AGBL1: variants seen among roughly 807,000 people sequenced by gnomAD.
The protein encoded by AGBL1 is cytosolic carboxypeptidase 4.
A neutral mutation model predicts 118.9 loss-of-function variants in AGBL1; 130 were observed. The observed-to-expected ratio is 1.09, with a 90% confidence interval of 0.95 to 1.26. The LOEUF (loss-of-function observed/expected upper bound fraction) is 1.26. Among genes scored for constraint, AGBL1 ranks in the 50% most tolerant of loss-of-function variants. The probability of loss-of-function intolerance (pLI) is 0.00; values close to 1 mark genes in which losing one functional copy is unlikely to be tolerated. For synonymous variants in AGBL1, 555 were observed against 478.9 expected, an observed-to-expected ratio of 1.16 and a Z score of -2.08; for missense variants, 1,584 against 1,298.1, an observed-to-expected ratio of 1.22 and a Z score of -3.38.
chr15:86,397,512 C>T lies in AGBL1; in HGVS notation c.2521C>T (p.Pro841Ser). 6.2e-7 allele frequency: 1 copy of T among 1,612,330 alleles called. No individual in the cohort carries two copies. Among genetic ancestry groups the T allele is most frequent in the Non-Finnish European group, 8.5e-7 (1 of 1,179,182 alleles). ...LRENFIFKII[P>S]MLNPDGVING... ...GGAAAACTTCATCTTCAAGATCATA[C>T]CCATGCTCAACCCAGATGGTGTCAT... Residue 841 changes from proline (P) to serine (S), a missense_variant, in exon 18 of 23, where the codon CCC becomes TCC. Physicochemically the swap from Pro to Ser is moderately conservative, Grantham distance 74. Coordinates refer to ENST00000614907, the MANE Select transcript of AGBL1 (RefSeq NM_001386094.1).
At chr15:86,762,600 T>C (rs1191739550) in intron 22 of AGBL1, among the ~76,000 whole-genome samples, 1 of 151,906 alleles carries the variant, frequency 6.6e-6, no homozygotes, top group Non-Finnish European at 1.5e-5. Context: ...ACTGGTAGGC[T>C]CTCAACCACT....
At chr15:86,873,724 T>C (rs1042518075) in intron 22 of AGBL1, among the ~76,000 whole-genome samples, 1 of 152,194 alleles carries the variant, frequency 6.6e-6, no homozygotes, top group African/African-American at 2.4e-5. Flanking sequence ...GCCTCCAGAA[T>C]TGTGAGAAGT....
chr15:86,388,195 G>A (rs545130094), intron 17 of AGBL1, among the ~76,000 whole-genome samples: 3 of 152,110 alleles, frequency 2.0e-5, no homozygotes, highest in Admixed American at 6.6e-5. Flanking sequence ...CTCACACTTC[G>A]TTGTTCTGAA....
chr15:86,500,181 A>G (rs2082901832), intron 18 of AGBL1, among the ~76,000 whole-genome samples: 1 of 151,856 alleles, frequency 6.6e-6, no homozygotes, highest in African/African-American at 2.4e-5. Flanking sequence ...TGAGAGCTTT[A>G]TGAGGCTGGC....
intron 6 of AGBL1, 71 bp downstream of exon 6, chr15:86,225,022 C>T (rs1274480284): frequency 1.4e-6 from 2 of 1,417,906 alleles, no homozygotes; most frequent in Non-Finnish European, 1.9e-6. Context: ...TTCTGGTCCC[C>T]ATGGCTGTTT....
At chr15:86,541,692 T>C (rs1290677127) in intron 19 of AGBL1, among the ~76,000 whole-genome samples, 3 of 151,498 alleles carry the variant, frequency 2.0e-5, no homozygotes, top group Admixed American at 1.3e-4. Context: ...GCCTCACGTA[T>C]TAGTAGCAAT....
At chr15:86,886,838 T>C (rs1203543372) in intron 22 of AGBL1, among the ~76,000 whole-genome samples, 1 of 152,146 alleles carries the variant, frequency 6.6e-6, no homozygotes, top group Non-Finnish European at 1.5e-5. Flanking sequence ...TTAATTCTAA[T>C]GAAGGGATTA....
intron 17 of AGBL1, among the ~76,000 whole-genome samples, chr15:86,319,725 T>C (rs533747951): frequency 1.3e-5 from 2 of 151,108 alleles, no homozygotes; most frequent in South Asian, 4.2e-4. Flanking sequence ...TCTTGTACTT[T>C]GTTTTGCCTC....
At chr15:87,012,547 A>T (rs2081572105) in intron 24 of AGBL1, among the ~76,000 whole-genome samples, 1 of 152,072 alleles carries the variant, frequency 6.6e-6, no homozygotes, top group African/African-American at 2.4e-5. Flanking sequence ...TGTACCACTG[A>T]TGGAAACAGA....
chr15:86,641,469 C>T (rs570974762), intron 21 of AGBL1, among the ~76,000 whole-genome samples: 2 of 151,766 alleles, frequency 1.3e-5, no homozygotes, highest in South Asian at 2.1e-4. Flanking sequence ...ACTCCCTAGT[C>T]ACACAATTCT....
intron 22 of AGBL1, among the ~76,000 whole-genome samples, chr15:86,691,712 A>G (rs973614772): frequency 6.6e-6 from 1 of 152,156 alleles, no homozygotes; most frequent in Non-Finnish European, 1.5e-5. Flanking sequence ...ACTATATTAA[A>G]CCGATTTGCT....
intron 22 of AGBL1, among the ~76,000 whole-genome samples, chr15:86,846,328 A>C (rs908749313): frequency 3.9e-5 from 6 of 152,076 alleles, no homozygotes; most frequent in African/African-American, 1.4e-4. Context: ...CGAGCATGTC[A>C]TTTCACTGTT....
chr15:86,355,081 A>G (rs1304808111), intron 17 of AGBL1, among the ~76,000 whole-genome samples: 1 of 152,194 alleles, frequency 6.6e-6, no homozygotes, highest in African/African-American at 2.4e-5. Context: ...CTAGCCTCCA[A>G]ATAAGAGCCC....
chr15:86,241,345 T>C (rs890280740), intron 6 of AGBL1, among the ~76,000 whole-genome samples: 1 of 152,158 alleles, frequency 6.6e-6, no homozygotes, highest in Non-Finnish European at 1.5e-5. Flanking sequence ...TGCTGAGTTA[T>C]GTTTTCAGTT....
intron 17 of AGBL1, among the ~76,000 whole-genome samples, chr15:86,381,046 G>A (rs901980426): frequency 2.0e-5 from 3 of 152,052 alleles, no homozygotes; most frequent in African/African-American, 4.8e-5. Flanking sequence ...ATCCTTTTTA[G>A]GCCTGAGGTA....
chr15:86,834,982 A>T (rs1018024040), intron 22 of AGBL1, among the ~76,000 whole-genome samples: 1 of 152,142 alleles, frequency 6.6e-6, no homozygotes, highest in Non-Finnish European at 1.5e-5. Flanking sequence ...ATCCCACGAT[A>T]TTTAGCAATT....
intron 22 of AGBL1, among the ~76,000 whole-genome samples, chr15:86,745,125 CAAAGG>C (rs1299990486): frequency 6.6e-6 from 1 of 152,004 alleles, no homozygotes; most frequent in Non-Finnish European, 1.5e-5. Context: ...CCAGTGAAAA[CAAAGG>C]AGAGAGTATG....
At chr15:86,504,797 G>T (rs531239081) in intron 18 of AGBL1, among the ~76,000 whole-genome samples, 1 of 151,668 alleles carries the variant, frequency 6.6e-6, no homozygotes, top group East Asian at 1.9e-4. Context: ...TTAAATCAGG[G>T]AAGAAATTTT....
chr15:86,234,224 T>A (rs976292821), intron 6 of AGBL1, among the ~76,000 whole-genome samples: 42 of 152,166 alleles, frequency 2.8e-4, no homozygotes, highest in African/African-American at 9.9e-4. Context: ...GAATGGTGTA[T>A]GTTCCCTGTA....
Sources: gnomAD v4.1 joint callset for allele counts (sites outside exome capture counted in the v4.1 genomes callset) on GRCh38, gnomAD v4.1.1 for gene constraint, MANE v1.5 for transcripts, NCBI Gene and HGNC (gene_info 2026-07-23, HGNC 2026-07-21) for gene names.